The following SLC37A3 variants were observed in gnomAD, a reference collection of about 807,000 sequenced individuals.
The protein encoded by SLC37A3 is solute carrier family 37 member 3.
Under a neutral mutation model 67.1 loss-of-function variants are expected in SLC37A3, and 51 were observed. The observed-to-expected ratio is 0.76, with a 90% CI of 0.61 to 0.96. SLC37A3 has a LOEUF of 0.96. Ranked by LOEUF, SLC37A3 falls within the 40% of genes least tolerant of loss-of-function variation. The pLI, the probability that SLC37A3 is intolerant of heterozygous loss-of-function variation, is 0.00. For synonymous variants in SLC37A3, 214 were observed against 231.4 expected (o/e 0.92, Z 0.68); for missense variants, 508 against 603.0 (o/e 0.84, Z 1.65).
intron 11 of SLC37A3, 63 bp from the exon 12 acceptor site, chr7:140,345,326 A>T (rs1796512687): frequency 4.7e-6 from 6 of 1,281,490 alleles, no homozygotes; most frequent in South Asian, 2.4e-5. Flanking sequence ...TGCCTCTGCC[A>T]ACCGTACGCG....
intron 4 of SLC37A3, among the ~76,000 whole-genome samples, chr7:140,365,919 CTTTTTTTTTTTTTTTTTT>C (rs71170981): frequency 1.6e-4 from 7 of 43,906 alleles, no homozygotes; most frequent in South Asian, 1.1e-3. Flanking sequence ...ACAATACATG[CTTTTTTTTTTTTTTTTTT>C]TTTTTTTTTT....
rs558955470 is a variant in SLC37A3, at chr7:140,351,372, G to A, written c.783C>T (p.Asp261=). ...RPLINGGENE[D]EYEPNYSIQD... is the part of the protein sequence containing the mutation. ...GGATTGAATAATTCGGCTCATATTC[G>A]TCTTCATTTTCACCACCATTAATTA... The change falls in exon 9 of 15, where the codon GAC becomes GAT. Residue 261 remains aspartate (D), a synonymous_variant. Transcript: ENST00000326232. 2.5e-5 allele frequency: 41 copies of A among 1,614,062 alleles called. No homozygotes were observed. The highest frequency in any genetic ancestry group is 1.8e-4 in the Admixed American group (11 of 59,996).
chr7:140,364,433 A>G lies in SLC37A3; in HGVS notation c.350T>C (p.Phe117Ser), dbSNP rs1273207705. Reference sequence around the variant, plus strand: ...CACTAATGCAGAAGAGCACATGCCAAAAGACAGAACCCATCGCAAATTCAA... The same window carrying G: ...CACTAATGCAGAAGAGCACATGCCAGAAGACAGAACCCATCGCAAATTCAA... ...DRLNLRWVLS[F>S]GMCSSALVVF... Residue 117 changes from phenylalanine (F) to serine (S), a missense_variant, in exon 5 of 15, where the codon TTT (phenylalanine) becomes TCT (serine). Physicochemically the swap from Phe to Ser is radical, Grantham distance 155. Transcript: ENST00000326232. 7 of 1,614,062 alleles carry G rather than the reference A, an allele frequency of 4.3e-6. No individual in the cohort carries two copies. In the South Asian group the frequency reaches 6.6e-5, roughly 15 times the overall value.
chr7:140,387,063 A>G (rs536632180), intron 1 of SLC37A3, among the ~76,000 whole-genome samples: 1 of 152,304 alleles, frequency 6.6e-6, no homozygotes, highest in African/African-American at 2.4e-5. Flanking sequence ...TGACTCAATC[A>G]AGCTAGTTAA....
chr7:140,371,153 C>T (rs1797802646), intron 3 of SLC37A3, among the ~76,000 whole-genome samples: 1 of 152,116 alleles, frequency 6.6e-6, no homozygotes, highest in Non-Finnish European at 1.5e-5. Context: ...TGCAGAACCA[C>T]AAAACGAATT....
At chr7:140,376,565 G>A (rs551870302) in intron 3 of SLC37A3, among the ~76,000 whole-genome samples, 1 of 152,304 alleles carries the variant, frequency 6.6e-6, no homozygotes, top group Admixed American at 6.5e-5. Context: ...AAAGTTCCCT[G>A]TGTGAGTTTC....
intron 2 of SLC37A3, 62 bp downstream of exon 2, chr7:140,382,376 C>A: frequency 7.2e-7 from 1 of 1,385,860 alleles, no homozygotes; most frequent in Non-Finnish European, 1.0e-6. Context: ...ACTTGCCATG[C>A]AATATCTCCC....
At position 140,349,545 on chromosome 7, in the gene SLC37A3, G is replaced by T. The variant is rs1023904442; in HGVS notation, c.883-778C>A. On this transcript the variant is annotated intron_variant, in intron 9 of 14. Transcript: ENST00000326232. ...TTCAGCATCAAAGGAAAAAGGGGGG[G>T]GGGACAGAGGGGCTGACTTCAAAGG... Among the ~76,000 whole-genome samples the T allele has an allele frequency of 2.7e-5, 4 of 149,682 alleles. 1 individual carries two copies. Among genetic ancestry groups the T allele is most frequent in the Admixed American group, 2.0e-4 (3 of 15,046 alleles).
At position 140,334,053 on chromosome 7, in the gene SLC37A3, T is replaced by C. The variant is rs1366204107; in HGVS notation, c.*1359A>G. On this transcript the variant is annotated 3_prime_UTR_variant, in exon 15 of 15. Transcript: ENST00000326232. The stretch of plus-strand genomic sequence containing the variant: ...TATGGAATTCACAGCCCTGAAGATA[T>C]ATATACTCTACATTTTTCTAAAGAA... The C allele has an allele frequency of 1.3e-5, 2 of 152,182 alleles. No individual in the cohort carries two copies. The highest frequency in any genetic ancestry group is 2.9e-5 in the Non-Finnish European group (2 of 68,038). The allele number at this position is 152,182 out of a possible 1,614,324, so 9.4% of individuals were successfully genotyped here. A position where few individuals can be genotyped will look rare whatever the true frequency, so the allele number is the denominator to read the frequency against.
intron 13 of SLC37A3, among the ~76,000 whole-genome samples, chr7:140,342,755 GT>G (rs201337613): frequency 0.03 from 4,540 of 152,248 alleles, 214 homozygotes; most frequent in African/African-American, 0.1. Flanking sequence ...ACATCTGAGT[GT>G]GGAAGAATCA....
intron 5 of SLC37A3, among the ~76,000 whole-genome samples, chr7:140,362,148 C>T (rs1797338258): frequency 7.1e-6 from 1 of 140,426 alleles, no homozygotes; most frequent in Non-Finnish European, 1.6e-5. Flanking sequence ...AAGCGAGGAG[C>T]GCCTCTTCCC....
chr7:140,346,568 T>C (rs1163386572), intron 10 of SLC37A3, among the ~76,000 whole-genome samples: 1 of 152,174 alleles, frequency 6.6e-6, no homozygotes, highest in Non-Finnish European at 1.5e-5. Flanking sequence ...TGAATGCTAT[T>C]TTTGATTTTT....
At chr7:140,378,136 GA>G (rs1798105653) in intron 3 of SLC37A3, among the ~76,000 whole-genome samples, 1 of 152,174 alleles carries the variant, frequency 6.6e-6, no homozygotes, top group African/African-American at 2.4e-5. Flanking sequence ...GTGCCTAAAT[GA>G]AATCCTATTT....
At chr7:140,384,744 T>C (rs962600454) in intron 1 of SLC37A3, among the ~76,000 whole-genome samples, 32 of 150,698 alleles carry the variant, frequency 2.1e-4, no homozygotes, top group African/African-American at 7.7e-4. Flanking sequence ...AAAAAAGTAA[T>C]GTAATTTATC....
At chr7:140,372,514 C>T (rs1285260387) in intron 3 of SLC37A3, among the ~76,000 whole-genome samples, 2 of 152,188 alleles carry the variant, frequency 1.3e-5, no homozygotes, top group African/African-American at 4.8e-5. Context: ...CACTAGTGAT[C>T]ACCATATTGC....
chr7:140,359,260 A>T (rs1436190263), intron 5 of SLC37A3, among the ~76,000 whole-genome samples: 1 of 151,272 alleles, frequency 6.6e-6, no homozygotes. Context: ...GGAGAATGGC[A>T]TGAACCTGGG....
At chr7:140,380,187 T>C in intron 3 of SLC37A3, 95 bp downstream of exon 3, 1 of 654,670 alleles carries the variant, frequency 1.5e-6, no homozygotes, top group South Asian at 2.0e-5. Flanking sequence ...TTTCAGAGTC[T>C]AGGCAAGTAA....
At chr7:140,382,950 G>T (rs73163226) in intron 1 of SLC37A3, among the ~76,000 whole-genome samples, 5,051 of 152,174 alleles carry the variant, frequency 0.033, 128 homozygotes, top group South Asian at 0.13. Flanking sequence ...AGTAATATTA[G>T]AAATGTAATT....
Position 140,389,498 on chromosome 7 carries a change from T to C in SLC37A3, c.-70-6902A>G, listed in dbSNP as rs150446551. Among the ~76,000 whole-genome samples, 848 of 152,178 alleles carry C rather than the reference T, an allele frequency of 5.6e-3. 9 individuals carry two copies. Among genetic ancestry groups the C allele is most frequent in the African/African-American group, 0.018 (751 of 41,528 alleles). On this transcript the variant is annotated intron_variant, in intron 1 of 14. Coordinates refer to ENST00000326232, the MANE Select transcript of SLC37A3 (RefSeq NM_207113.3). ...AAGCCCCTACCCGCCAAATTATTTTTAAAAACTCTGATCCCCGACTGCTCG... is the reference window on the plus strand; with the variant it reads ...AAGCCCCTACCCGCCAAATTATTTTCAAAAACTCTGATCCCCGACTGCTCG...
Sources: allele counts gnomAD v4.1 joint callset (sites outside exome capture counted in the v4.1 genomes callset), GRCh38; gene constraint gnomAD v4.1.1; transcripts MANE v1.5; gene names NCBI Gene and HGNC (gene_info 2026-07-23, HGNC 2026-07-21).